The following EXOC4 variants were observed in gnomAD, a reference collection of about 807,000 sequenced individuals.
The protein encoded by EXOC4 is exocyst complex component 4.
In EXOC4, 71 loss-of-function variants were observed where a neutral mutation model predicts 107.2. That is an observed-to-expected ratio of 0.66 (90% CI 0.55 to 0.81). The LOEUF is 0.81. EXOC4 is among the 30% of genes least tolerant of loss of function. EXOC4 has a pLI of 0.00. For synonymous variants in EXOC4, 456 were observed against 441.2 expected, an observed-to-expected ratio of 1.03 and a Z score of -0.42; for missense variants, 1,108 against 1,189.6, an observed-to-expected ratio of 0.93 and a Z score of 1.01.
At chr7:134,082,578 C>A in the EXOC4 span, among the ~76,000 whole-genome samples, 16 of 152,274 alleles carry the variant, frequency 1.1e-4, no homozygotes, top group Non-Finnish European at 1.9e-4. Flanking sequence ...GTAGCTGGGA[C>A]TACAGGCACA....
the EXOC4 span, among the ~76,000 whole-genome samples, chr7:134,088,495 T>C: frequency 1.3e-5 from 2 of 152,160 alleles, no homozygotes; most frequent in East Asian, 1.9e-4. Context: ...ATCAGCAACA[T>C]TTTAACCTAA....
intron 10 of EXOC4, among the ~76,000 whole-genome samples, chr7:133,737,773 C>T (rs1795475683): frequency 6.6e-6 from 1 of 152,088 alleles, no homozygotes; most frequent in Non-Finnish European, 1.5e-5. Flanking sequence ...GCTATCTTCA[C>T]AGCCTCCATG....
At chr7:133,702,951 A>G (rs1245140158) in intron 10 of EXOC4, among the ~76,000 whole-genome samples, 1 of 152,192 alleles carries the variant, frequency 6.6e-6, no homozygotes, top group African/African-American at 2.4e-5. Flanking sequence ...ATTCAGAACC[A>G]TTTTGGTTAT....
At position 133,840,718 on chromosome 7, in the gene EXOC4, C is replaced by T. The variant is rs183940260; in HGVS notation, c.1734+23174C>T. ...GGATGGTCTCCATCTCCTGGCCTCG[C>T]GATCCACCTGCCTCAGCCTCCCAAA... On this transcript the variant is annotated intron_variant, in intron 11 of 17. Coordinates refer to ENST00000253861, the MANE Select transcript of EXOC4 (RefSeq NM_021807.4). 8.7e-3 allele frequency among the ~76,000 whole-genome samples: 1,321 copies of T among 151,908 alleles called. 10 individuals carry two copies. The highest frequency in any genetic ancestry group is 0.013 in the Non-Finnish European group (902 of 67,926).
chr7:134,054,417 T>C (rs1795874011), intron 17 of EXOC4, among the ~76,000 whole-genome samples: 1 of 152,250 alleles, frequency 6.6e-6, no homozygotes, highest in Non-Finnish European at 1.5e-5. Flanking sequence ...TTTTCTAAGA[T>C]GACTCCCCTT....
intron 9 of EXOC4, among the ~76,000 whole-genome samples, chr7:133,587,930 T>C (rs1199753801): frequency 6.6e-6 from 1 of 152,206 alleles, no homozygotes; most frequent in Non-Finnish European, 1.5e-5. Context: ...TTTTTCCCCT[T>C]AGGGGAGACT....
intron 14 of EXOC4, among the ~76,000 whole-genome samples, chr7:133,946,051 G>A (rs1382210848): frequency 9.2e-5 from 14 of 152,154 alleles, no homozygotes. Flanking sequence ...TCTCGCTTCA[G>A]TATTTACAAG....
chr7:133,516,923 T>G (rs576477048), intron 9 of EXOC4, among the ~76,000 whole-genome samples: 4 of 151,906 alleles, frequency 2.6e-5, no homozygotes, highest in African/African-American at 9.7e-5. Flanking sequence ...ACATCACAAA[T>G]AGTAAATGTA....
intron 14 of EXOC4, among the ~76,000 whole-genome samples, chr7:133,960,777 T>C (rs1800924506): frequency 6.6e-6 from 1 of 152,192 alleles, no homozygotes; most frequent in Non-Finnish European, 1.5e-5. Flanking sequence ...TGCTGTACGA[T>C]TGATTATAAG....
intron 10 of EXOC4, among the ~76,000 whole-genome samples, chr7:133,736,937 T>G (rs921548524): frequency 6.6e-6 from 1 of 152,188 alleles, no homozygotes; most frequent in Non-Finnish European, 1.5e-5. Context: ...TTGCTGAAAT[T>G]GTTTTTGTTT....
intron 4 of EXOC4, among the ~76,000 whole-genome samples, chr7:133,309,413 C>T (rs1794820996): frequency 6.6e-6 from 1 of 151,898 alleles, no homozygotes; most frequent in Non-Finnish European, 1.5e-5. Flanking sequence ...GCATAGGTGG[C>T]CAAGAGATAT....
chr7:133,693,938 C>G (rs1794475525), intron 10 of EXOC4, among the ~76,000 whole-genome samples: 1 of 152,086 alleles, frequency 6.6e-6, no homozygotes, highest in Non-Finnish European at 1.5e-5. Flanking sequence ...GGGAGTCTCA[C>G]AGAGTAACCC....
intron 9 of EXOC4, among the ~76,000 whole-genome samples, chr7:133,514,828 G>C (rs1799842380): frequency 1.3e-5 from 2 of 152,146 alleles, no homozygotes; most frequent in Non-Finnish European, 2.9e-5. Flanking sequence ...GGGCCCTGCA[G>C]GAGAATGTGA....
chr7:133,594,493 CT>C (rs532692119), intron 9 of EXOC4, among the ~76,000 whole-genome samples: 135 of 90,356 alleles, frequency 1.5e-3, no homozygotes, highest in Middle Eastern at 9.8e-3. Flanking sequence ...AAGCTTGAGT[CT>C]TTTTTTTTTT....
At chr7:134,015,650 G>C (rs1278278796) in intron 17 of EXOC4, among the ~76,000 whole-genome samples, 1 of 152,116 alleles carries the variant, frequency 6.6e-6, no homozygotes, top group African/African-American at 2.4e-5. Flanking sequence ...GCCGAGGCAG[G>C]TGGATCACGA....
intron 11 of EXOC4, among the ~76,000 whole-genome samples, chr7:133,847,787 C>A (rs1240895503): frequency 2.0e-5 from 3 of 151,500 alleles, no homozygotes; most frequent in South Asian, 2.1e-4. Context: ...CGGCTCACTG[C>A]AACCTTCTCC....
intron 5 of EXOC4, among the ~76,000 whole-genome samples, chr7:133,337,631 C>T (rs1795548455): frequency 7.7e-6 from 1 of 129,608 alleles, no homozygotes; most frequent in African/African-American, 2.8e-5. Flanking sequence ...TTCCTTCCTT[C>T]CTTCCCTTTT....
At chr7:133,614,763 G>A (rs7782067) in intron 9 of EXOC4, among the ~76,000 whole-genome samples, 141,677 of 143,554 alleles carry the variant, frequency 0.99, 69,943 homozygotes, top group East Asian at 1. Flanking sequence ...CCGATCAAAC[G>A]AGTCATGAAA....
chr7:133,916,069 T>A lies in EXOC4; in HGVS notation c.1872-1514T>A, dbSNP rs117338279. ...CCCCAACCTTTTTGGCACCAGGGACTGGGGTGATGTTTTGGGTGAGAAAAA... is the reference window on the plus strand; with the variant it reads ...CCCCAACCTTTTTGGCACCAGGGACAGGGGTGATGTTTTGGGTGAGAAAAA... On this transcript the variant is annotated intron_variant, in intron 12 of 17. Transcript: ENST00000253861. 6.2e-4 allele frequency among the ~76,000 whole-genome samples: 95 copies of A among 152,306 alleles called. 1 individual carries two copies. In the East Asian group the frequency reaches 0.017, roughly 28 times the overall value.
Sources: gnomAD v4.1 joint callset for allele counts (sites outside exome capture counted in the v4.1 genomes callset) on GRCh38, gnomAD v4.1.1 for gene constraint, MANE v1.5 for transcripts, NCBI Gene and HGNC (gene_info 2026-07-23, HGNC 2026-07-21) for gene names.